Variants in SYT2 observed in about 807,000 individuals in gnomAD.
SYT2 encodes the protein synaptotagmin 2.
Under a neutral mutation model 39.9 loss-of-function variants are expected in SYT2, and 15 were observed. The ratio of observed to expected loss-of-function variants is 0.38; its 90% CI spans 0.25 to 0.58. The LOEUF is 0.58. Ranked by LOEUF, SYT2 falls within the 20% of genes least tolerant of loss-of-function variation. SYT2 has a pLI of 0.70. For missense variants in SYT2, 389 were observed against 530.3 expected, an observed-to-expected ratio of 0.73 and a Z score of 2.62; for synonymous variants, 181 against 204.5, an observed-to-expected ratio of 0.89 and a Z score of 0.98.
chr1:202,590,671 A>G lies in SYT2; in HGVS notation c.*6086T>C, dbSNP rs1277272450. 1 of 151,644 alleles carries G rather than the reference A, an allele frequency of 6.6e-6. No homozygotes were observed. Among genetic ancestry groups the G allele is most frequent in the Non-Finnish European group, 1.5e-5 (1 of 68,004 alleles). 9.4% of individuals were successfully genotyped at this position (151,644 alleles called of 1,614,324 possible). On this transcript the variant is annotated 3_prime_UTR_variant, in exon 9 of 9. Coordinates refer to ENST00000367268, the MANE Select transcript of SYT2 (RefSeq NM_177402.5). ...ACAATTTGACAAGAGATCAGACAAGAACAAGAGTCCACATAAGGGAGATGG... is the reference window on the plus strand; with the variant it reads ...ACAATTTGACAAGAGATCAGACAAGGACAAGAGTCCACATAAGGGAGATGG...
At chr1:202,661,345 C>T (rs776931381) in intron 1 of SYT2, among the ~76,000 whole-genome samples, 2 of 151,836 alleles carry the variant, frequency 1.3e-5, no homozygotes, top group Non-Finnish European at 2.9e-5. Flanking sequence ...CACCTACTGG[C>T]TATGCCAAGC....
intron 1 of SYT2, among the ~76,000 whole-genome samples, chr1:202,675,334 G>A (rs939336697): frequency 6.6e-6 from 1 of 150,452 alleles, no homozygotes; most frequent in Non-Finnish European, 1.5e-5. Flanking sequence ...ACAGTCTTGT[G>A]GGAGAGACAC....
chr1:202,653,940 A>C (rs1692234612), intron 1 of SYT2, among the ~76,000 whole-genome samples: 1 of 152,122 alleles, frequency 6.6e-6, no homozygotes, highest in Non-Finnish European at 1.5e-5. Context: ...GGGCCTGGAA[A>C]ACTTATGTCT....
chr1:202,633,943 G>A (rs1243477561), intron 1 of SYT2, among the ~76,000 whole-genome samples: 3 of 152,190 alleles, frequency 2.0e-5, no homozygotes, highest in Non-Finnish European at 4.4e-5. Context: ...CTACAGTCAG[G>A]CTGGGAGCAC....
intron 1 of SYT2, among the ~76,000 whole-genome samples, chr1:202,613,773 C>T (rs1690954902): frequency 6.6e-6 from 1 of 152,212 alleles, no homozygotes; most frequent in African/African-American, 2.4e-5. Context: ...CACCCTCTCA[C>T]TCTCCACTGC....
intron 1 of SYT2, chr1:202,632,157 T>A: frequency 1.2e-6 from 1 of 857,714 alleles, no homozygotes; most frequent in Non-Finnish European, 1.4e-6. Flanking sequence ...TTGCCACCAC[T>A]AGATAATTTG....
chr1:202,602,910 T>C (rs1690563055), intron 4 of SYT2, 89 bp downstream of exon 4: 4 of 1,490,172 alleles, frequency 2.7e-6, no homozygotes, highest in Non-Finnish European at 3.7e-6. Context: ...TGCCCACACA[T>C]CTCTGAGGGA....
chr1:202,694,251 G>A (rs140194356), intron 1 of SYT2, among the ~76,000 whole-genome samples: 150 of 152,288 alleles, frequency 9.8e-4, no homozygotes, highest in African/African-American at 3.4e-3. Flanking sequence ...TCAGATTTGT[G>A]TTAGAAAAAA....
chr1:202,644,561 A>G (rs987855231), intron 1 of SYT2, among the ~76,000 whole-genome samples: 47 of 151,848 alleles, frequency 3.1e-4, no homozygotes, highest in African/African-American at 8.7e-4. Context: ...GCTCCACCCC[A>G]TCCTCGCCCT....
chr1:202,678,773 C>A (rs1653449405), intron 1 of SYT2, among the ~76,000 whole-genome samples: 1 of 152,256 alleles, frequency 6.6e-6, no homozygotes, highest in Middle Eastern at 3.4e-3. Flanking sequence ...CAAGTTTGTA[C>A]CATTTATAAA....
At chr1:202,640,953 G>A (rs1429546686) in intron 1 of SYT2, among the ~76,000 whole-genome samples, 2 of 152,134 alleles carry the variant, frequency 1.3e-5, no homozygotes, top group East Asian at 1.9e-4. Context: ...TGCTTGCTAC[G>A]CAGCTTGTAT....
chr1:202,629,866 G>GA (rs1691521863), intron 1 of SYT2, among the ~76,000 whole-genome samples: 1 of 111,404 alleles, frequency 9.0e-6, no homozygotes, highest in Non-Finnish European at 1.9e-5. Context: ...CAGGCAGCTG[G>GA]TGGGGGGGGG....
At position 202,596,092 on chromosome 1, in the gene SYT2, CTT is replaced by C. The variant is rs1207744818; in HGVS notation, c.*663_*664del. The C allele has an allele frequency of 6.6e-6, 1 of 152,170 alleles. No homozygotes were observed. Among genetic ancestry groups the C allele is most frequent in the Non-Finnish European group, 1.5e-5 (1 of 68,062 alleles). 9.4% of individuals were successfully genotyped at this position (152,170 alleles called of 1,614,324 possible). On this transcript the variant is annotated 3_prime_UTR_variant, in exon 9 of 9. Transcript: ENST00000367268. ...CCGATATCTGAACAGGATCCTGAGA[CTT>C]TGCCATAGATGAGAGAAGATCTCCC... is the stretch of plus-strand genomic sequence containing the variant.
At chr1:202,684,329 C>T (rs1051187629) in intron 1 of SYT2, among the ~76,000 whole-genome samples, 4 of 149,350 alleles carry the variant, frequency 2.7e-5, no homozygotes, top group Admixed American at 6.7e-5. Context: ...ATCTACTCTC[C>T]GTTTCTATTT....
chr1:202,655,678 T>G (rs1692265833), intron 1 of SYT2, among the ~76,000 whole-genome samples: 1 of 152,132 alleles, frequency 6.6e-6, no homozygotes, highest in Non-Finnish European at 1.5e-5. Context: ...CGATCCTGCT[T>G]GATGTGTTCT....
At chr1:202,667,134 G>A (rs1340617560) in intron 1 of SYT2, among the ~76,000 whole-genome samples, 15 of 152,164 alleles carry the variant, frequency 9.9e-5, no homozygotes. Context: ...TGAGAAGTAA[G>A]GCGGGGAAAA....
intron 1 of SYT2, among the ~76,000 whole-genome samples, chr1:202,709,400 G>A (rs573186130): frequency 6.6e-6 from 1 of 152,356 alleles, no homozygotes; most frequent in Admixed American, 6.5e-5. Flanking sequence ...CTGGCTTAGT[G>A]GGATGTGAAA....
At chr1:202,663,789 G>A (rs2149106741) in intron 1 of SYT2, among the ~76,000 whole-genome samples, 1 of 152,244 alleles carries the variant, frequency 6.6e-6, no homozygotes, top group Admixed American at 6.5e-5. Context: ...AAGACCACGG[G>A]GCAGCTCTGG....
rs1288575882 is a variant in SYT2 at position 202,592,856 on chromosome 1, C to G, written c.*3901G>C. 3 of 152,206 alleles carry G rather than the reference C, an allele frequency of 2.0e-5. No homozygotes were observed. The highest frequency in any genetic ancestry group is 7.2e-5 in the African/African-American group (3 of 41,446). 9.4% of individuals were successfully genotyped at this position (152,206 alleles called of 1,614,324 possible). ...AGGATGACCAGTTACATTTGAATTT[C>G]AGATAAACAACAAATTATTTTTTAG... On this transcript the variant is annotated 3_prime_UTR_variant, in exon 9 of 9. Transcript: ENST00000367268.
Sources: allele counts gnomAD v4.1 joint callset (sites outside exome capture counted in the v4.1 genomes callset), GRCh38; gene constraint gnomAD v4.1.1; transcripts MANE v1.5; gene names NCBI Gene and HGNC (gene_info 2026-07-23, HGNC 2026-07-21).